The following SEMA4A variants were observed in gnomAD, a reference collection of about 807,000 sequenced individuals.
SEMA4A encodes semaphorin-4A.
SEMA4A carries 52 observed loss-of-function variants against 72.5 expected under a neutral mutation model. The observed-to-expected ratio is 0.72, with a 90% CI of 0.57 to 0.90. The LOEUF (loss-of-function observed/expected upper bound fraction) is 0.90, where lower values mean the gene tolerates loss of function less well. Among genes scored for constraint, SEMA4A ranks in the 40% least tolerant of loss-of-function variants. The probability of loss-of-function intolerance (pLI) is 0.00; values close to 1 mark genes in which losing one functional copy is unlikely to be tolerated. For missense variants in SEMA4A, 926 were observed against 959.7 expected, an observed-to-expected ratio of 0.96 and a Z score of 0.46; for synonymous variants, 369 against 393.1, an observed-to-expected ratio of 0.94 and a Z score of 0.73.
Position 156,175,667 on chromosome 1 carries a change from G to C in SEMA4A, c.1693+11G>C. 6.4e-7 allele frequency: 1 copy of C among 1,573,022 alleles called. No individual in the cohort carries two copies. The highest frequency in any genetic ancestry group is 1.1e-5 in the South Asian group (1 of 87,976). On this transcript the variant is annotated intron_variant, in intron 14 of 14. Coordinates refer to ENST00000368285, the MANE Select transcript of SEMA4A (RefSeq NM_022367.4). ...GCCGCCCGCAAATCAGTGAGTGTAG[G>C]ACCACTCACCAGGGGAGGTGCAAAG...
chr1:156,160,343 G>A (rs748845321), intron 6 of SEMA4A, 100 bp from the exon 7 acceptor site: 51 of 933,842 alleles, frequency 5.5e-5, no homozygotes, highest in Non-Finnish European at 8.3e-5. Context: ...CAGGGCCCCC[G>A]AGACTGATAT....
chr1:156,172,858 G>C lies in SEMA4A; in HGVS notation c.1167G>C (p.Leu389=), dbSNP rs764314311. Reference sequence around the variant, plus strand: ...TGGGCCCCTCCTCTGATAAGGCCCTGACCTTCATGAAGGACCATTTCCTGA... The same window carrying C: ...TGGGCCCCTCCTCTGATAAGGCCCTCACCTTCATGAAGGACCATTTCCTGA... ...CSVGPSSDKA[L]TFMKDHFLMD... is the part of the protein sequence containing the mutation. Residue 389 remains leucine, a synonymous_variant, in exon 11 of 15, where the codon CTG becomes CTC. Coordinates refer to ENST00000368285, the MANE Select transcript of SEMA4A (RefSeq NM_022367.4). The C allele has an allele frequency of 6.2e-7, 1 of 1,614,148 alleles. No homozygotes were observed. Among genetic ancestry groups the C allele is most frequent in the East Asian group, 2.2e-5 (1 of 44,874 alleles).
Position 156,156,568 on chromosome 1 carries a change from G to A in SEMA4A, c.294G>A (p.Lys98=). The change falls in exon 3 of 15, where the codon AAG becomes AAA. Residue 98 remains lysine (K), a synonymous_variant. Coordinates refer to ENST00000368285, the MANE Select transcript of SEMA4A (RefSeq NM_022367.4). ...AGGATCCAGGGGTCCCCAGGCTAAA[G>A]AACATGGTGAGGAGTCCAGGGATAA... ...DIQDPGVPRL[K]NMIPWPASDR... The A allele has an allele frequency of 6.2e-7, 1 of 1,613,920 alleles. No homozygotes were observed. Among genetic ancestry groups the A allele is most frequent in the Non-Finnish European group, 8.5e-7 (1 of 1,179,948 alleles).
chr1:156,158,248 C>T (rs1653235624), intron 4 of SEMA4A, 116 bp downstream of exon 4: 6 of 1,300,492 alleles, frequency 4.6e-6, no homozygotes, highest in Middle Eastern at 2.0e-4. Context: ...GCACGGTTAT[C>T]TCCTGGATTA....
At position 156,174,829 on chromosome 1, in the gene SEMA4A, G is replaced by A; in HGVS notation, c.1323G>A (p.Gly441=). 6.2e-7 allele frequency: 1 copy of A among 1,614,198 alleles called. No homozygotes were observed. The highest frequency in any genetic ancestry group is 8.5e-7 in the Non-Finnish European group (1 of 1,180,016). The change falls in exon 12 of 15, where the codon GGG becomes GGA. Residue 441 remains glycine (G), a synonymous_variant. Coordinates refer to ENST00000368285, the MANE Select transcript of SEMA4A (RefSeq NM_022367.4). ...HLVMYLGTTT[G]SLHKAVVSGD... Reference sequence around the variant, plus strand: ...CTCTCTGTCTCCCCATAGCCACAGGGTCGCTCCACAAGGCTGTGGTAAGTG... The same window carrying A: ...CTCTCTGTCTCCCCATAGCCACAGGATCGCTCCACAAGGCTGTGGTAAGTG...
At chr1:156,161,732 T>C in intron 9 of SEMA4A, 2 of 555,452 alleles carry the variant, frequency 3.6e-6, no homozygotes, top group Non-Finnish European at 6.3e-6. Flanking sequence ...AACTAGTTTA[T>C]ATTCTGCCTA....
chr1:156,156,287 T>C, intron 2 of SEMA4A, 127 bp from the exon 3 acceptor site: 1 of 807,134 alleles, frequency 1.2e-6, no homozygotes, highest in Non-Finnish European at 2.1e-6. Flanking sequence ...TGGAGGAGAG[T>C]GCATCTAGCT....
intron 10 of SEMA4A, among the ~76,000 whole-genome samples, chr1:156,169,130 A>G (rs1572414912): frequency 6.6e-6 from 1 of 152,300 alleles, no homozygotes; most frequent in East Asian, 1.9e-4. Context: ...TCTTAAACAG[A>G]CTTTCAAATA....
chr1:156,177,274 G>A lies in SEMA4A; in HGVS notation c.*277G>A, dbSNP rs951898325. 1.9e-6 allele frequency: 1 copy of A among 531,802 alleles called. No homozygotes were observed. The highest frequency in any genetic ancestry group is 3.4e-6 in the Non-Finnish European group (1 of 293,012). 32.9% of individuals were successfully genotyped at this position (531,802 alleles called of 1,614,324 possible). On this transcript the variant is annotated 3_prime_UTR_variant, in exon 15 of 15. Coordinates refer to ENST00000368285, the MANE Select transcript of SEMA4A (RefSeq NM_022367.4). ...ACACTGATATTGAAGAACCTGGAGA[G>A]GATCCTTCAGTTCTGGCCATTCCAG...
At position 156,174,850 on chromosome 1, in the gene SEMA4A, A is replaced by C. The variant is rs1255421986; in HGVS notation, c.1344A>C (p.Val448=). The change falls in exon 12 of 15, where the codon GTA becomes GTC. Residue 448 remains valine, a synonymous_variant. Coordinates refer to ENST00000368285, the MANE Select transcript of SEMA4A (RefSeq NM_022367.4). Reference sequence around the variant, plus strand: ...CAGGGTCGCTCCACAAGGCTGTGGTAAGTGGGGACAGCAGTGCTCATCTGG... The same window carrying C: ...CAGGGTCGCTCCACAAGGCTGTGGTCAGTGGGGACAGCAGTGCTCATCTGG... ...TTTGSLHKAV[V]SGDSSAHLVE... is the part of the protein sequence containing the mutation. The C allele has an allele frequency of 4.3e-6, 7 of 1,614,052 alleles. No individual in the cohort carries two copies. The highest frequency in any genetic ancestry group is 5.1e-6 in the Non-Finnish European group (6 of 1,180,026).
At chr1:156,168,977 G>T (rs912089253) in intron 10 of SEMA4A, among the ~76,000 whole-genome samples, 1 of 152,088 alleles carries the variant, frequency 6.6e-6, no homozygotes, top group Admixed American at 6.6e-5. Context: ...TTTCAGGATG[G>T]TGTCCCCATC....
chr1:156,151,731 G>C (rs1262152846), upstream of SEMA4A, among the ~76,000 whole-genome samples: 1 of 151,274 alleles, frequency 6.6e-6, no homozygotes, highest in Non-Finnish European at 1.5e-5. Context: ...AGCTACCTGG[G>C]AGGCTGAGGC....
upstream of SEMA4A, among the ~76,000 whole-genome samples, chr1:156,151,074 A>G (rs1652496958): frequency 6.6e-6 from 1 of 152,024 alleles, no homozygotes; most frequent in African/African-American, 2.4e-5. Flanking sequence ...CCTCATTTGT[A>G]CGGTTGTCAG....
chr1:156,160,693 A>AGGGAAGAAGAAG, intron 7 of SEMA4A, 134 bp downstream of exon 7: 1 of 1,038,696 alleles, frequency 9.6e-7, no homozygotes, highest in South Asian at 1.3e-5. Context: ...GGAAGAAGGC[A>AGGGAAGAAGAAG]AAGCTCCGGT....
In SEMA4A at chr1:156,158,377, G is replaced by A. The variant is rs1053680268; in HGVS notation, c.364-11G>A. ...GGTGGCCTGGAGACCTAAATTCTCT[G>A]TCTCCCTCAGACACAGTGTTTCAAC... On this transcript the variant is annotated splice_polypyrimidine_tract_variant and intron_variant, in intron 4 of 14. Coordinates refer to ENST00000368285, the MANE Select transcript of SEMA4A (RefSeq NM_022367.4). The A allele has an allele frequency of 1.2e-6, 2 of 1,609,148 alleles. No individual in the cohort carries two copies. The highest frequency in any genetic ancestry group is 1.7e-6 in the Non-Finnish European group (2 of 1,175,514).
chr1:156,156,152 G>T, intron 2 of SEMA4A: 1 of 470,092 alleles, frequency 2.1e-6, no homozygotes, highest in Non-Finnish European at 4.0e-6. Context: ...GCCTGGAAGA[G>T]CATCCACTGT....
chr1:156,162,128 G>A (rs1008076983), intron 9 of SEMA4A, among the ~76,000 whole-genome samples: 4 of 152,226 alleles, frequency 2.6e-5, no homozygotes, highest in South Asian at 2.1e-4. Context: ...AGGTGTGGTG[G>A]CGCATGCCTG....
upstream of SEMA4A, among the ~76,000 whole-genome samples, chr1:156,151,271 CTG>C (rs997500716): frequency 1.3e-5 from 2 of 152,220 alleles, no homozygotes; most frequent in African/African-American, 4.8e-5. Context: ...GCACAGGGCC[CTG>C]TGTGGCTGCA....
chr1:156,163,110 C>A lies in SEMA4A; in HGVS notation c.1134+16C>A, dbSNP rs749715293. On this transcript the variant is annotated intron_variant, in intron 10 of 14. Coordinates refer to ENST00000368285, the MANE Select transcript of SEMA4A (RefSeq NM_022367.4). The stretch of plus-strand genomic sequence containing the variant: ...GCCAGGCAGTGTGAGTACTACCCCC[C>A]ACACTGAGCACAGTCTACACATACA... 17 of 1,606,742 alleles carry A rather than the reference C, an allele frequency of 1.1e-5. No individual in the cohort carries two copies. The highest frequency in any genetic ancestry group is 7.7e-5 in the South Asian group (7 of 90,922).
Sources: gnomAD v4.1 joint callset for allele counts (sites outside exome capture counted in the v4.1 genomes callset) on GRCh38, gnomAD v4.1.1 for gene constraint, MANE v1.5 for transcripts, NCBI Gene and HGNC (gene_info 2026-07-23, HGNC 2026-07-21) for gene names.